PSG7: variants seen among roughly 807,000 people sequenced by gnomAD.
PSG7 encodes pregnancy specific beta-1-glycoprotein 7.
In PSG7, 57 loss-of-function variants were observed where a neutral mutation model predicts 45.6. The observed-to-expected ratio is 1.25, with a 90% confidence interval of 1.01 to 1.56. PSG7 has a LOEUF of 1.56. Among genes scored for constraint, PSG7 ranks in the 40% most tolerant of loss-of-function variants. The pLI, the probability that PSG7 is intolerant of heterozygous loss-of-function variation, is 0.00. For missense variants in PSG7, 796 were observed against 508.4 expected, an observed-to-expected ratio of 1.57 and a Z score of -5.44; for synonymous variants, 298 against 194.4, an observed-to-expected ratio of 1.53 and a Z score of -4.43.
intron 5 of PSG7, chr19:42,925,067 T>A: frequency 1.9e-6 from 1 of 536,336 alleles, no homozygotes; most frequent in Admixed American, 3.3e-5. Context: ...TAAAATTTTC[T>A]TTGCTGTAAG....
rs1448808354 is a variant in PSG7 at position 42,927,895 on chromosome 19, A to C, written c.710-1179T>G. On this transcript the variant is annotated intron_variant, in intron 3 of 5. Coordinates refer to ENST00000406070, the MANE Select transcript of PSG7 (RefSeq NM_002783.3). ...GGAGTATTTCTTATGCCTACAACTT[A>C]GGACAAAAAGTGTTTTGCATTTCTT... Among the ~76,000 whole-genome samples the C allele has an allele frequency of 2.0e-5, 3 of 151,666 alleles. No individual in the cohort carries two copies. The East Asian group carries it at 5.8e-4, about 29-fold the overall frequency.
chr19:42,937,139 G>A lies in PSG7; in HGVS notation c.-63C>T. 6.3e-7 allele frequency: 1 copy of A among 1,581,812 alleles called. No individual in the cohort carries two copies. Among genetic ancestry groups the A allele is most frequent in the Non-Finnish European group, 8.6e-7 (1 of 1,156,656 alleles). ...AGCCTAGGATCCAGAATCTTCCTGA[G>A]CACGGCTGTCAGCTGTGCTGTCCTT... On this transcript the variant is annotated 5_prime_UTR_variant, in exon 1 of 6. Coordinates refer to ENST00000406070, the MANE Select transcript of PSG7 (RefSeq NM_002783.3).
rs1418713841 is a variant in PSG7 at position 42,937,143 on chromosome 19, G to GA, written c.-68_-67insT. Reference sequence around the variant, plus strand: ...TAGGATCCAGAATCTTCCTGAGCACGGCTGTCAGCTGTGCTGTCCTTCCTC... The same window carrying GA: ...TAGGATCCAGAATCTTCCTGAGCACGAGCTGTCAGCTGTGCTGTCCTTCCTC... On this transcript the variant is annotated 5_prime_UTR_variant, in exon 1 of 6. Coordinates refer to ENST00000406070, the MANE Select transcript of PSG7 (RefSeq NM_002783.3). 6 of 1,570,756 alleles carry GA rather than the reference G, an allele frequency of 3.8e-6. No homozygotes were observed. Among genetic ancestry groups the GA allele is most frequent in the Non-Finnish European group, 5.2e-6 (6 of 1,147,738 alleles).
In PSG7 at chr19:42,933,295, A is replaced by ATTTTTTTTTTTTTT. The variant is rs1168854490; in HGVS notation, c.430+2108_430+2109insAAAAAAAAAAAAAA. Among the ~76,000 whole-genome samples the ATTTTTTTTTTTTTT allele has an allele frequency of 1.7e-4, 2 of 11,900 alleles. 1 individual carries two copies. The highest frequency in any genetic ancestry group is 4.8e-4 in the African/African-American group (2 of 4,174). The allele number at this position is 11,900 out of a possible 152,430, so 7.8% of individuals were successfully genotyped here. ...TATATATATATATATATATATATAT[A>ATTTTTTTTTTTTTT]TATATATATATATTTTTTTTTTTTT... is the stretch of plus-strand genomic sequence containing the variant. On this transcript the variant is annotated intron_variant, in intron 2 of 5. Transcript: ENST00000406070.
rs115409262 is a variant in PSG7, at chr19:42,932,777, G to A, written c.430+2627C>T. ...CCCAGGGACTGCCTTGGTAAAACTAGTGAAAGACCATGAGATTTAGATTAT... is the reference window on the plus strand; with the variant it reads ...CCCAGGGACTGCCTTGGTAAAACTAATGAAAGACCATGAGATTTAGATTAT... On this transcript the variant is annotated intron_variant, in intron 2 of 5. Transcript: ENST00000406070. Among the ~76,000 whole-genome samples, 1,332 of 151,586 alleles carry A rather than the reference G, an allele frequency of 8.8e-3. 52 individuals carry two copies. The highest frequency in any genetic ancestry group is 0.031 in the African/African-American group (1,283 of 41,258).
chr19:42,932,964 C>A (rs1156388023), intron 2 of PSG7, among the ~76,000 whole-genome samples: 1 of 150,604 alleles, frequency 6.6e-6, no homozygotes, highest in Non-Finnish European at 1.5e-5. Context: ...GTTTCTCATT[C>A]TTTTGCATTC....
chr19:42,932,781 A>G (rs1205393016), intron 2 of PSG7, among the ~76,000 whole-genome samples: 3 of 151,552 alleles, frequency 2.0e-5, no homozygotes, highest in Non-Finnish European at 2.9e-5. Flanking sequence ...AAACTAGTGA[A>G]AGACCATGAG....
rs1972479316 is a variant in PSG7 at position 42,924,336 on chromosome 19, A to C, written c.*472T>G. ...TATCTCTGTGTTCATTTCTATTGGG[A>C]GCCCTGTATGCAAGATGGAGAGAGC... On this transcript the variant is annotated 3_prime_UTR_variant, in exon 6 of 6. Coordinates refer to ENST00000406070, the MANE Select transcript of PSG7 (RefSeq NM_002783.3). 1.0e-5 allele frequency: 4 copies of C among 392,338 alleles called. No individual in the cohort carries two copies. Among genetic ancestry groups the C allele is most frequent in the Non-Finnish European group, 1.4e-5 (3 of 222,082 alleles). The allele number at this position is 392,338 out of a possible 1,614,324, so 24.3% of individuals were successfully genotyped here. A position where few individuals can be genotyped will look rare whatever the true frequency, so the allele number is the denominator to read the frequency against.
At position 42,935,715 on chromosome 19, in the gene PSG7, G is replaced by A; in HGVS notation, c.119C>T (p.Ala40Val). 2 of 1,611,872 alleles carry A rather than the reference G, an allele frequency of 1.2e-6. No homozygotes were observed. Among genetic ancestry groups the A allele is most frequent in the Non-Finnish European group, 1.7e-6 (2 of 1,179,026 alleles). ...CCCCTCGGAAACTTTTGGTGGCTGG[G>A]CTTCAATCGTGACTTGGGCTGTGGT... ...PPTTAQVTIE[A>V]QPPKVSEGKD... The change falls in exon 2 of 6, where the codon GCC becomes GTC. Residue 40 changes from alanine (A) to valine (V), a missense_variant. Ala to Val is a moderately conservative substitution (Grantham distance 64). Coordinates refer to ENST00000406070, the MANE Select transcript of PSG7 (RefSeq NM_002783.3).
chr19:42,925,421 A>T, intron 5 of PSG7: 1 of 496,078 alleles, frequency 2.0e-6, no homozygotes, highest in Admixed American at 3.9e-5. Context: ...ACTATAAGCT[A>T]GAGATAGATT....
rs998290501 is a variant in PSG7, at chr19:42,930,293, C to G, written c.431-573G>C. On this transcript the variant is annotated intron_variant, in intron 2 of 5. Transcript: ENST00000406070. ...AGGTCAGTTCAGTCATCAGGCAGTG[C>G]AGCCACAAGGTGGCGCAGTTTTCCC... 2.1e-4 allele frequency among the ~76,000 whole-genome samples: 32 copies of G among 151,560 alleles called. 1 individual carries two copies. The highest frequency in any genetic ancestry group is 3.2e-4 in the African/African-American group (13 of 41,200).
At chr19:42,929,264 T>C in intron 3 of PSG7, 178 bp downstream of exon 3, 1 of 1,402,716 alleles carries the variant, frequency 7.1e-7, no homozygotes, top group Non-Finnish European at 9.6e-7. Flanking sequence ...TCTTTTCTCT[T>C]ATTGTGGATC....
intron 3 of PSG7, chr19:42,929,101 T>C (rs1445616256): frequency 2.3e-5 from 9 of 389,528 alleles, no homozygotes; most frequent in Middle Eastern, 4.1e-4. Context: ...AAAATCCTGG[T>C]CTGTGGAAGG....
intron 2 of PSG7, among the ~76,000 whole-genome samples, chr19:42,934,945 A>G (rs1973111791): frequency 6.6e-6 from 1 of 151,626 alleles, no homozygotes; most frequent in Non-Finnish European, 1.5e-5. Flanking sequence ...CCTGCCCAAG[A>G]AACCATAACC....
intron 2 of PSG7, among the ~76,000 whole-genome samples, chr19:42,933,489 G>A (rs1973078425): frequency 6.8e-6 from 1 of 148,126 alleles, no homozygotes; most frequent in Admixed American, 6.8e-5. Flanking sequence ...AGTGACCTGG[G>A]GTCATTGGCT....
rs372901622 is a variant in PSG7, at chr19:42,925,867, C to A, written c.1149G>T (p.Gln383His). The stretch of plus-strand genomic sequence containing the variant: ...AGAGCCCGCTATGCTTTGTAGTAAT[C>A]TGGGGGATAGAAAGCTTTTGTCCTG... ...QLSGQKLSIP[Q>H]ITTKHSGLYA... The change falls in exon 5 of 6, where the codon CAG becomes CAT. Residue 383 changes from glutamine to histidine, a missense_variant. Gln to His is a conservative substitution (Grantham distance 24). Transcript: ENST00000406070. 8.1e-6 allele frequency: 13 copies of A among 1,611,888 alleles called. No homozygotes were observed. The African/African-American group carries it at 1.7e-4, about 22-fold the overall frequency.
chr19:42,934,102 G>T (rs1973094555), intron 2 of PSG7, among the ~76,000 whole-genome samples: 1 of 151,424 alleles, frequency 6.6e-6, no homozygotes, highest in South Asian at 2.1e-4. Flanking sequence ...AGTGGGGAAA[G>T]AAAACAAGGT....
chr19:42,936,753 TTC>T (rs1468756754), intron 1 of PSG7, among the ~76,000 whole-genome samples: 1 of 151,538 alleles, frequency 6.6e-6, no homozygotes, highest in African/African-American at 2.4e-5. Context: ...GTTCATGTGA[TTC>T]TCCTGCCTCA....
Position 42,934,202 on chromosome 19 carries a change from G to T in PSG7, c.430+1202C>A, listed in dbSNP as rs1266724211. Among the ~76,000 whole-genome samples the T allele has an allele frequency of 6.6e-5, 10 of 151,446 alleles. 1 individual carries two copies. In the East Asian group the frequency reaches 1.7e-3, roughly 26 times the overall value. ...ATGATGGGTGTTAAGATCTGAGGGG[G>T]AGACCTGGACATTTTTTTTGCACTG... On this transcript the variant is annotated intron_variant, in intron 2 of 5. Transcript: ENST00000406070.
Sources: allele counts gnomAD v4.1 joint callset (sites outside exome capture counted in the v4.1 genomes callset), GRCh38; gene constraint gnomAD v4.1.1; transcripts MANE v1.5; gene names NCBI Gene and HGNC (gene_info 2026-07-23, HGNC 2026-07-21).